The following POLB variants were observed in gnomAD, a reference collection of about 807,000 sequenced individuals.
POLB encodes the protein 5'-dRP lyase.
In POLB, 37 loss-of-function variants were observed where a neutral mutation model predicts 52.7. The ratio of observed to expected loss-of-function variants is 0.70; its 90% CI spans 0.54 to 0.92. The LOEUF (loss-of-function observed/expected upper bound fraction) is 0.92. Among genes scored for constraint, POLB ranks in the 40% least tolerant of loss-of-function variants. The probability of loss-of-function intolerance (pLI) is 0.00; values close to 1 mark genes in which losing one functional copy is unlikely to be tolerated. For synonymous variants in POLB, 138 were observed against 131.3 expected (o/e 1.05, Z -0.35); for missense variants, 313 against 400.8 (o/e 0.78, Z 1.87).
intron 9 of POLB, chr8:42,357,728 C>CTTTT (rs373576053): frequency 1.4e-5 from 2 of 145,538 alleles, no homozygotes; most frequent in Non-Finnish European, 2.8e-5. Flanking sequence ...TTTCTTTTTC[C>CTTTT]TTTTTTTTTT....
chr8:42,339,290 C>T, intron 2 of POLB: 1 of 556,218 alleles, frequency 1.8e-6, no homozygotes, highest in Non-Finnish European at 3.2e-6. Context: ...TAGCTGTAGC[C>T]TGATACGTAT....
At chr8:42,346,881 A>G (rs1267217330) in intron 3 of POLB, among the ~76,000 whole-genome samples, 1 of 152,200 alleles carries the variant, frequency 6.6e-6, no homozygotes, top group Non-Finnish European at 1.5e-5. Flanking sequence ...AGTTCTCAGC[A>G]TCAGTATATC....
intron 3 of POLB, among the ~76,000 whole-genome samples, chr8:42,346,851 T>C: frequency 6.6e-6 from 1 of 152,342 alleles, no homozygotes; most frequent in Non-Finnish European, 1.5e-5. Context: ...ATATAGGCTT[T>C]AAATCCTTGT....
In POLB at chr8:42,344,978, T is replaced by C; in HGVS notation, c.145T>C (p.Tyr49His). 6.2e-7 allele frequency: 1 copy of C among 1,608,202 alleles called. No homozygotes were observed. The highest frequency in any genetic ancestry group is 8.5e-7 in the Non-Finnish European group (1 of 1,174,688). The change falls in exon 3 of 14, where the codon TAC becomes CAC. Residue 49 changes from tyrosine (Y) to histidine (H), a missense_variant. By Grantham distance (83) the Tyr-to-His change is moderately conservative. Transcript: ENST00000265421. ...YRKAASVIAKYPHKIKSGAEA... is the reference protein window; with the variant it reads ...YRKAASVIAKHPHKIKSGAEA... ...AAAAGCAGCATCTGTTATAGCAAAA[T>C]ACCCACACAAAATAAAGAGTGGAGC...
chr8:42,344,774 T>C (rs1357183869), intron 2 of POLB, among the ~76,000 whole-genome samples, 179 bp from the exon 3 acceptor site: 2 of 150,662 alleles, frequency 1.3e-5, no homozygotes, highest in Non-Finnish European at 3.0e-5. Flanking sequence ...GAGATCGCGC[T>C]GCTGCACTCC....
chr8:42,349,868 G>C (rs1356225258), intron 4 of POLB, 139 bp from the exon 5 acceptor site: 5 of 647,338 alleles, frequency 7.7e-6, no homozygotes, highest in Non-Finnish European at 1.4e-5. Context: ...TAGGTTACTT[G>C]TGAATAATTT....
intron 3 of POLB, among the ~76,000 whole-genome samples, chr8:42,346,340 C>T (rs773784059): frequency 2.6e-5 from 4 of 151,876 alleles, no homozygotes; most frequent in Non-Finnish European, 5.9e-5. Flanking sequence ...TATCTTTTAA[C>T]CTTCTCAGGA....
Position 42,356,269 on chromosome 8 carries a change from G to A in POLB, c.422+702G>A, listed in dbSNP as rs3136755. 5.5e-3 allele frequency among the ~76,000 whole-genome samples: 841 copies of A among 152,314 alleles called. 5 individuals are homozygous for A. Among genetic ancestry groups the A allele is most frequent in the South Asian group, 0.022 (104 of 4,828 alleles). ...ATTCCAAAATCTTGAGCCAGTGAGA[G>A]ACCTGGATGGTATGGTTCTTGCTCT... On this transcript the variant is annotated intron_variant, in intron 7 of 13. Coordinates refer to ENST00000265421, the MANE Select transcript of POLB (RefSeq NM_002690.3).
intron 2 of POLB, chr8:42,342,533 G>A (rs1395453748): frequency 7.5e-5 from 62 of 822,438 alleles, no homozygotes; most frequent in Non-Finnish European, 1.1e-4. Context: ...ATTACCAAGC[G>A]TTTCTGAGCA....
At chr8:42,362,262 ATAAAAT>A (rs761562786) in intron 10 of POLB, among the ~76,000 whole-genome samples, 3 of 147,712 alleles carry the variant, frequency 2.0e-5, no homozygotes, top group African/African-American at 4.9e-5. Flanking sequence ...CCATCTAAAA[ATAAAAT>A]AAAATAAAAT....
At position 42,338,505 on chromosome 8, in the gene POLB, G is replaced by A; in HGVS notation, c.-120G>A. On this transcript the variant is annotated 5_prime_UTR_variant, in exon 1 of 14. Coordinates refer to ENST00000265421, the MANE Select transcript of POLB (RefSeq NM_002690.3). Reference sequence around the variant, plus strand: ...CATCGGGGGCAACCATTGTTCCGCCGGTCGCGCCGGAGCTGGGTTGCTCCT... The same window carrying A: ...CATCGGGGGCAACCATTGTTCCGCCAGTCGCGCCGGAGCTGGGTTGCTCCT... The A allele has an allele frequency of 1.2e-6, 1 of 822,776 alleles. No homozygotes were observed. Among genetic ancestry groups the A allele is most frequent in the Non-Finnish European group, 2.1e-6 (1 of 487,358 alleles). 51.0% of individuals were successfully genotyped at this position (822,776 alleles called of 1,614,324 possible).
intron 2 of POLB, among the ~76,000 whole-genome samples, chr8:42,343,726 C>T (rs1273874570): frequency 2.0e-5 from 3 of 152,176 alleles, no homozygotes; most frequent in Non-Finnish European, 4.4e-5. Flanking sequence ...CACTTTGTTA[C>T]TCAGCACAAA....
intron 9 of POLB, among the ~76,000 whole-genome samples, chr8:42,358,278 G>A (rs775133074): frequency 1.3e-5 from 2 of 151,928 alleles, no homozygotes; most frequent in Admixed American, 6.5e-5. Context: ...CGAGCCGGGC[G>A]GATCACAAGG....
chr8:42,364,086 C>T (rs546625281), intron 11 of POLB, among the ~76,000 whole-genome samples: 13 of 152,102 alleles, frequency 8.5e-5, no homozygotes, highest in African/African-American at 3.1e-4. Context: ...GCCACCACGC[C>T]CAGCTAATTT....
In POLB at chr8:42,344,821, A is replaced by G. The variant is rs550301704; in HGVS notation, c.120-132A>G. The G allele has an allele frequency of 1.8e-5, 10 of 565,776 alleles. No homozygotes were observed. In the East Asian group the frequency reaches 3.2e-4, roughly 18 times the overall value. 35.0% of individuals were successfully genotyped at this position (565,776 alleles called of 1,614,324 possible). A position where few individuals can be genotyped will look rare whatever the true frequency, so the allele number is the denominator to read the frequency against. On this transcript the variant is annotated intron_variant, in intron 2 of 13. Transcript: ENST00000265421. ...AGAGGGAGACTGTCTCAAAAAAAAC[A>G]AAAAAAAAGAAAATTAGTTATCTTG...
chr8:42,347,737 A>G (rs1447121410), intron 3 of POLB, among the ~76,000 whole-genome samples: 2 of 152,162 alleles, frequency 1.3e-5, no homozygotes, highest in East Asian at 3.8e-4. Flanking sequence ...CCTTTTTCTA[A>G]TCTATTCTGC....
intron 2 of POLB, chr8:42,340,015 C>G (rs927497107): frequency 2.6e-5 from 4 of 152,222 alleles, no homozygotes; most frequent in African/African-American, 9.7e-5. Context: ...GCCTGGACTT[C>G]TTAATACCTA....
In POLB at chr8:42,343,369, T is replaced by TATACACAC. The variant is rs761101423; in HGVS notation, c.120-1583_120-1582insTACACACA. Among the ~76,000 whole-genome samples the TATACACAC allele has an allele frequency of 2.8e-4, 10 of 36,310 alleles. No individual in the cohort carries two copies. The East Asian group carries it at 6.4e-3, about 23-fold the overall frequency. 23.8% of individuals were successfully genotyped at this position (36,310 alleles called of 152,430 possible). On this transcript the variant is annotated intron_variant, in intron 2 of 13. Coordinates refer to ENST00000265421, the MANE Select transcript of POLB (RefSeq NM_002690.3). Reference sequence around the variant, plus strand: ...AAATATATATATATATATATATATATACACAAAATTAGCCAGGTGTGGTAG... The same window carrying TATACACAC: ...AAATATATATATATATATATATATATATACACACACACAAAATTAGCCAGGTGTGGTAG...
At chr8:42,339,465 G>C (rs1388657818) in intron 2 of POLB, 1 of 196,458 alleles carries the variant, frequency 5.1e-6, no homozygotes, top group Non-Finnish European at 1.1e-5. Flanking sequence ...CCTGATCCTT[G>C]TTCCTTGTTC....
Sources: gnomAD v4.1 joint callset for allele counts (sites outside exome capture counted in the v4.1 genomes callset) on GRCh38, gnomAD v4.1.1 for gene constraint, MANE v1.5 for transcripts, NCBI Gene and HGNC (gene_info 2026-07-23, HGNC 2026-07-21) for gene names.